The following RFX2 variants were observed in gnomAD, a reference collection of about 807,000 sequenced individuals.
RFX2 encodes the protein DNA-binding protein RFX2.
Under a neutral mutation model 87.8 loss-of-function variants are expected in RFX2, and 20 were observed. That is an observed-to-expected ratio of 0.23 (90% confidence interval 0.16 to 0.33). The LOEUF (loss-of-function observed/expected upper bound fraction) is 0.33. RFX2 is among the 10% of genes least tolerant of loss of function. The probability of loss-of-function intolerance (pLI) is 1.00; values close to 1 mark genes in which losing one functional copy is unlikely to be tolerated. For synonymous variants in RFX2, 397 were observed against 431.3 expected, an observed-to-expected ratio of 0.92 and a Z score of 0.98; for missense variants, 767 against 1,012.3, an observed-to-expected ratio of 0.76 and a Z score of 3.29.
chr19:6,008,985 A>G (rs1310606021), intron 9 of RFX2, among the ~76,000 whole-genome samples: 1 of 152,170 alleles, frequency 6.6e-6, no homozygotes, highest in African/African-American at 2.4e-5. Context: ...CAGTACAGTC[A>G]GGGAATTTCT....
chr19:6,089,507 G>A (rs1249645077), intron 1 of RFX2, among the ~76,000 whole-genome samples: 2 of 152,196 alleles, frequency 1.3e-5, no homozygotes, highest in Non-Finnish European at 2.9e-5. Context: ...GACGGCATCT[G>A]GAGGTGGGGC....
At position 6,013,181 on chromosome 19, in the gene RFX2, T is replaced by C; in HGVS notation, c.780-76A>G. Reference sequence around the variant, plus strand: ...ACAAGACAGGTTGGGATTCTTTTTCTTTCTTTCTTCTTTTTTTTTTTTGAG... The same window carrying C: ...ACAAGACAGGTTGGGATTCTTTTTCCTTCTTTCTTCTTTTTTTTTTTTGAG... On this transcript the variant is annotated intron_variant, in intron 7 of 17. Coordinates refer to ENST00000303657, the MANE Select transcript of RFX2 (RefSeq NM_000635.4). The surrounding 1 kb of genome is among the most constrained non-coding windows in gnomAD (Gnocchi z 4.1). 3 of 1,413,680 alleles carry C rather than the reference T, an allele frequency of 2.1e-6. No homozygotes were observed. Among genetic ancestry groups the C allele is most frequent in the Non-Finnish European group, 1.9e-6 (2 of 1,065,426 alleles). 87.6% of individuals were successfully genotyped at this position (1,413,680 alleles called of 1,614,324 possible).
At position 5,997,780 on chromosome 19, in the gene RFX2, C is replaced by T. The variant is rs2086435512; in HGVS notation, c.1860-567G>A. Among the ~76,000 whole-genome samples the T allele has an allele frequency of 6.6e-6, 1 of 152,222 alleles. No individual in the cohort carries two copies. Among genetic ancestry groups the T allele is most frequent in the Non-Finnish European group, 1.5e-5 (1 of 68,040 alleles). On this transcript the variant is annotated intron_variant, in intron 15 of 17. Coordinates refer to ENST00000303657, the MANE Select transcript of RFX2 (RefSeq NM_000635.4). The surrounding 1 kb of genome is among the most constrained non-coding windows in gnomAD (Gnocchi z 4.2). Reference sequence around the variant, plus strand: ...CTTCAGCCCAGATCCAGTCCGCGTCCAGCCCTCAGCCTGTGTGCTGACAAT... The same window carrying T: ...CTTCAGCCCAGATCCAGTCCGCGTCTAGCCCTCAGCCTGTGTGCTGACAAT...
In RFX2 at chr19:6,004,080, G is replaced by T; in HGVS notation, c.1500+121C>A. 2 of 778,682 alleles carry T rather than the reference G, an allele frequency of 2.6e-6. No individual in the cohort carries two copies. Among genetic ancestry groups the T allele is most frequent in the South Asian group, 2.9e-5 (2 of 68,652 alleles). The allele number at this position is 778,682 out of a possible 1,614,324, so 48.2% of individuals were successfully genotyped here. On this transcript the variant is annotated intron_variant, in intron 13 of 17. Coordinates refer to ENST00000303657, the MANE Select transcript of RFX2 (RefSeq NM_000635.4). The surrounding 1 kb of genome is among the most constrained non-coding windows in gnomAD (Gnocchi z 4.8). Reference sequence around the variant, plus strand: ...TGCTCAGGGCTTCCTGAAGGGATCGGTTACTCTCATGACGCAGGGAAGAAG... The same window carrying T: ...TGCTCAGGGCTTCCTGAAGGGATCGTTTACTCTCATGACGCAGGGAAGAAG...
In RFX2 at chr19:6,101,313, T is replaced by A. The variant is rs1217119751; in HGVS notation, c.-9+9080A>T. ...TTTTCAGTGGGTCTGGAATTCCAAA[T>A]ATATTTTTTCTCAAGGCAGGCTACA... On this transcript the variant is annotated intron_variant, in intron 1 of 17. Transcript: ENST00000303657. This position sits in a 1 kb window ranked among gnomAD's most constrained non-coding sequence, Gnocchi z 4.9. Among the ~76,000 whole-genome samples, 1 of 152,228 alleles carries A rather than the reference T, an allele frequency of 6.6e-6. No homozygotes were observed. Among genetic ancestry groups the A allele is most frequent in the Non-Finnish European group, 1.5e-5 (1 of 68,034 alleles).
In RFX2 at chr19:5,999,283, G is replaced by T. The variant is rs1313025179; in HGVS notation, c.1860-2070C>A. ...AAACAAGCAAACAAGAGAATGAAGT[G>T]GAACAGTGTCTCGGTCTCCCTTGTG... On this transcript the variant is annotated intron_variant, in intron 15 of 17. Transcript: ENST00000303657. The surrounding 1 kb of genome is among the most constrained non-coding windows in gnomAD (Gnocchi z 4.1). 6.6e-6 allele frequency among the ~76,000 whole-genome samples: 1 copy of T among 152,042 alleles called. No homozygotes were observed. The highest frequency in any genetic ancestry group is 1.5e-5 in the Non-Finnish European group (1 of 68,008).
chr19:6,026,063 G>T lies in RFX2; in HGVS notation c.597+100C>A. ...GCCTCCCAAAGTGCTGGGATTACAG[G>T]TGTGAGCCACCGCACCTGGTTGCCT... On this transcript the variant is annotated intron_variant, in intron 6 of 17. Coordinates refer to ENST00000303657, the MANE Select transcript of RFX2 (RefSeq NM_000635.4). This position sits in a 1 kb window ranked among gnomAD's most constrained non-coding sequence, Gnocchi z 4.5. 1.0e-6 allele frequency: 1 copy of T among 987,150 alleles called. No individual in the cohort carries two copies. The highest frequency in any genetic ancestry group is 1.4e-5 in the South Asian group (1 of 72,998). The allele number at this position is 987,150 out of a possible 1,614,324, so 61.1% of individuals were successfully genotyped here.
chr19:6,095,094 A>G (rs926142539), intron 1 of RFX2, among the ~76,000 whole-genome samples: 14 of 152,252 alleles, frequency 9.2e-5, no homozygotes, highest in Admixed American at 2.0e-4. Flanking sequence ...CCTGGGCGAC[A>G]GAGCAAGACT....
intron 1 of RFX2, among the ~76,000 whole-genome samples, chr19:6,091,426 C>A (rs189963640): frequency 6.7e-6 from 1 of 148,210 alleles, no homozygotes; most frequent in South Asian, 2.1e-4. Flanking sequence ...GCAGCCTGGG[C>A]GACAGAGCAA....
intron 1 of RFX2, among the ~76,000 whole-genome samples, chr19:6,084,696 G>A (rs2087832868): frequency 6.6e-6 from 1 of 150,636 alleles, no homozygotes. Context: ...GTGCAGTGGT[G>A]CGATCTTGGC....
At chr19:5,995,449 C>T (rs1387024791) in intron 17 of RFX2, 152 bp downstream of exon 17, 2 of 753,904 alleles carry the variant, frequency 2.7e-6, no homozygotes, top group African/African-American at 3.4e-5. Flanking sequence ...TCAGGCATCA[C>T]CCACTGTCCG....
chr19:6,006,452 C>A (rs1200550911), intron 12 of RFX2, among the ~76,000 whole-genome samples: 1 of 149,680 alleles, frequency 6.7e-6, no homozygotes, highest in Non-Finnish European at 1.5e-5. Context: ...CACCACCATG[C>A]CCAGCTCATT....
intron 12 of RFX2, among the ~76,000 whole-genome samples, chr19:6,005,750 C>T (rs2086571549): frequency 6.6e-6 from 1 of 152,214 alleles, no homozygotes; most frequent in Non-Finnish European, 1.5e-5. Flanking sequence ...TCTACCCTAA[C>T]AGGCTGCAGG....
In RFX2 at chr19:5,995,524, G is replaced by A. The variant is rs1022243793; in HGVS notation, c.2056+77C>T. 4.3e-6 allele frequency: 6 copies of A among 1,402,464 alleles called. No homozygotes were observed. In the African/African-American group the frequency reaches 7.1e-5, roughly 17 times the overall value. 86.9% of individuals were successfully genotyped at this position (1,402,464 alleles called of 1,614,324 possible). On this transcript the variant is annotated intron_variant, in intron 17 of 17. Coordinates refer to ENST00000303657, the MANE Select transcript of RFX2 (RefSeq NM_000635.4). ...CCGCATTTCCACCTGTTCATCATGA[G>A]ATGGGGCAGACAGGCCACGGCCAGG... is the stretch of plus-strand genomic sequence containing the variant.
At chr19:6,072,725 C>A (rs1285734933) in intron 1 of RFX2, 15 of 443,262 alleles carry the variant, frequency 3.4e-5, no homozygotes, top group Non-Finnish European at 6.2e-5. Flanking sequence ...AACATGAAGT[C>A]TTCCTTCCAA....
At chr19:6,035,947 A>G (rs2087017784) in intron 5 of RFX2, among the ~76,000 whole-genome samples, 1 of 151,946 alleles carries the variant, frequency 6.6e-6, no homozygotes, top group Non-Finnish European at 1.5e-5. Flanking sequence ...CTTCCAGAGC[A>G]ACCCACATAA....
At chr19:6,042,662 G>A (rs1474046576) in intron 3 of RFX2, among the ~76,000 whole-genome samples, 1 of 152,234 alleles carries the variant, frequency 6.6e-6, no homozygotes, top group African/African-American at 2.4e-5. Context: ...CAGAGAGGAG[G>A]GGAGAGAATG....
In RFX2 at chr19:6,044,211, A is replaced by T. The variant is rs35193540; in HGVS notation, c.162T>A (p.Val54=). 3.9e-3 allele frequency: 6,058 copies of T among 1,573,462 alleles called. 187 individuals carry two copies. In the African/African-American group the frequency reaches 0.069, roughly 18 times the overall value. The change falls in exon 3 of 18, where the codon GTT becomes GTA. Residue 54 remains valine, a synonymous_variant. Coordinates refer to ENST00000303657, the MANE Select transcript of RFX2 (RefSeq NM_000635.4). This position sits in a 1 kb window ranked among gnomAD's most constrained non-coding sequence, Gnocchi z 5.3. ...AQMQPISLPR[V]QQVPQQVQPV... is the part of the protein sequence containing the mutation. ...TCATTACCTGCTGGGGTACCTGCTG[A>T]ACTCTGGGGAGGGAGATCGGCTGCA...
chr19:6,105,578 C>T (rs1363904770), intron 1 of RFX2, among the ~76,000 whole-genome samples: 5 of 152,084 alleles, frequency 3.3e-5, no homozygotes, highest in South Asian at 4.1e-4. Flanking sequence ...CTTAACATGA[C>T]GCCGCCTCTC....
Sources: gnomAD v4.1 joint callset for allele counts (sites outside exome capture counted in the v4.1 genomes callset) on GRCh38, gnomAD v4.1.1 for gene constraint, Gnocchi (gnomAD v3.1) non-coding constraint, MANE v1.5 for transcripts, NCBI Gene and HGNC (gene_info 2026-07-23, HGNC 2026-07-21) for gene names.